The following GUCA1C variants were observed in gnomAD, a reference collection of about 807,000 sequenced individuals.
The protein encoded by GUCA1C is guanylate cyclase activator 1C.
Under a neutral mutation model 16.2 loss-of-function variants are expected in GUCA1C, and 15 were observed. The observed-to-expected ratio is 0.93, with a 90% CI of 0.62 to 1.43. The LOEUF is 1.43. Ranked by LOEUF, GUCA1C falls within the 40% of genes most tolerant of loss-of-function variation. The pLI is 0.00. For synonymous variants in GUCA1C, 78 were observed against 85.4 expected, an observed-to-expected ratio of 0.91 and a Z score of 0.48; for missense variants, 275 against 244.8, an observed-to-expected ratio of 1.12 and a Z score of -0.82.
intron 3 of GUCA1C, among the ~76,000 whole-genome samples, chr3:108,914,155 A>C (rs987620957): frequency 1.3e-5 from 2 of 152,188 alleles, no homozygotes; most frequent in African/African-American, 4.8e-5. Context: ...ACCATAATTC[A>C]TCTCCTTTTT....
chr3:108,953,087 A>G (rs542835962), intron 1 of GUCA1C, among the ~76,000 whole-genome samples: 244 of 152,324 alleles, frequency 1.6e-3, no homozygotes, highest in Non-Finnish European at 2.9e-3. Context: ...AAGCAGTTTA[A>G]CTTTTGATTT....
Position 108,907,965 on chromosome 3 carries a change from A to G in GUCA1C, c.*57T>C. 7.8e-7 allele frequency: 1 copy of G among 1,281,546 alleles called. No individual in the cohort carries two copies. The highest frequency in any genetic ancestry group is 1.4e-5 in the South Asian group (1 of 73,426). The allele number at this position is 1,281,546 out of a possible 1,614,324, so 79.4% of individuals were successfully genotyped here. A position where few individuals can be genotyped will look rare whatever the true frequency, so the allele number is the denominator to read the frequency against. ...ACAGCATGTACATGGGGAAGATTCTATTTCTTCTCTACTGAAATGTTGTGC... is the reference window on the plus strand; with the variant it reads ...ACAGCATGTACATGGGGAAGATTCTGTTTCTTCTCTACTGAAATGTTGTGC... On this transcript the variant is annotated 3_prime_UTR_variant, in exon 4 of 4. Coordinates refer to ENST00000261047, the MANE Select transcript of GUCA1C (RefSeq NM_005459.4).
intron 1 of GUCA1C, among the ~76,000 whole-genome samples, chr3:108,939,457 G>A (rs1298453784): frequency 1.3e-5 from 2 of 149,128 alleles, no homozygotes; most frequent in Non-Finnish European, 3.0e-5. Context: ...CACCCGAGTC[G>A]CTGGGATTAC....
At chr3:108,910,371 G>A (rs998051187) in intron 3 of GUCA1C, among the ~76,000 whole-genome samples, 22 of 151,892 alleles carry the variant, frequency 1.4e-4, no homozygotes, top group African/African-American at 4.6e-4. Flanking sequence ...GGTGGAGGGC[G>A]CCTGTAGTCC....
chr3:108,911,151 G>A (rs939365400), intron 3 of GUCA1C, among the ~76,000 whole-genome samples: 1 of 152,156 alleles, frequency 6.6e-6, no homozygotes, highest in African/African-American at 2.4e-5. Context: ...AGTTTCATTA[G>A]TAATAGAATA....
intron 1 of GUCA1C, among the ~76,000 whole-genome samples, chr3:108,949,569 A>C (rs1946876512): frequency 6.6e-6 from 1 of 152,200 alleles, no homozygotes; most frequent in Non-Finnish European, 1.5e-5. Context: ...TCTAAAGTGA[A>C]GCATCTAGGG....
chr3:108,918,814 A>C (rs192291628), intron 2 of GUCA1C, among the ~76,000 whole-genome samples: 4 of 152,130 alleles, frequency 2.6e-5, no homozygotes, highest in East Asian at 1.9e-4. Context: ...TTATATAGAA[A>C]GTGTGTTCCT....
chr3:108,920,975 T>G (rs1576546804), intron 1 of GUCA1C, among the ~76,000 whole-genome samples: 1 of 152,196 alleles, frequency 6.6e-6, no homozygotes, highest in South Asian at 2.1e-4. Context: ...TTTACATTAG[T>G]GTCCACTCTT....
At position 108,953,592 on chromosome 3, in the gene GUCA1C, AAT is replaced by A. The variant is rs1946920182; in HGVS notation, c.169_170del (p.Ile57Ter). The A allele has an allele frequency of 6.2e-7, 1 of 1,611,872 alleles. No individual in the cohort carries two copies. On this transcript the variant is annotated frameshift_variant, in exon 1 of 4. Transcript: ENST00000261047. LOFTEE classifies it high-confidence loss of function. ...QGLNQKANKH[I>X]DQVYNTFDTN... is the part of the protein sequence containing the mutation. ...TGTCAAAGGTATTATAAACTTGATC[AAT>A]ATGTTTATTGGCCTTCTGATTCAGA... is the stretch of plus-strand genomic sequence containing the variant.
intron 1 of GUCA1C, among the ~76,000 whole-genome samples, chr3:108,924,398 G>A (rs1946600752): frequency 6.6e-6 from 1 of 152,008 alleles, no homozygotes; most frequent in Non-Finnish European, 1.5e-5. Context: ...CTATTGACAT[G>A]ATCATGTGAT....
chr3:108,925,444 T>C (rs748732826), intron 1 of GUCA1C, among the ~76,000 whole-genome samples: 58 of 152,200 alleles, frequency 3.8e-4, no homozygotes, highest in Admixed American at 1.2e-3. Flanking sequence ...AGGGTTCCTT[T>C]TGGAGTTGAT....
chr3:108,916,263 A>G, intron 2 of GUCA1C, 49 bp from the exon 3 acceptor site: 1 of 1,571,820 alleles, frequency 6.4e-7, no homozygotes, highest in Non-Finnish European at 8.7e-7. Context: ...GGAAGCAAAT[A>G]CATTTTGCAA....
At chr3:108,937,499 C>A (rs1246062357) in intron 1 of GUCA1C, among the ~76,000 whole-genome samples, 1 of 152,188 alleles carries the variant, frequency 6.6e-6, no homozygotes, top group African/African-American at 2.4e-5. Flanking sequence ...ATTAAGGGAA[C>A]TTGGCTTGAT....
chr3:108,937,751 A>G (rs2107306528), intron 1 of GUCA1C, among the ~76,000 whole-genome samples: 1 of 152,340 alleles, frequency 6.6e-6, no homozygotes, highest in Admixed American at 6.5e-5. Context: ...ACTAAGAACC[A>G]TAGCATCTAG....
intron 3 of GUCA1C, 195 bp downstream of exon 3, chr3:108,915,932 A>T: frequency 1.6e-6 from 1 of 608,036 alleles, no homozygotes; most frequent in South Asian, 2.4e-5. Flanking sequence ...AGCACCACAC[A>T]TTGGAAATGA....
At chr3:108,924,078 G>A (rs1384973949) in intron 1 of GUCA1C, among the ~76,000 whole-genome samples, 3 of 151,980 alleles carry the variant, frequency 2.0e-5, no homozygotes, top group African/African-American at 4.8e-5. Context: ...TTAGGTATAT[G>A]ATCACATCAT....
At chr3:108,953,503 G>C (rs996166199) in intron 1 of GUCA1C, 56 bp downstream of exon 1, 2 of 1,098,730 alleles carry the variant, frequency 1.8e-6, no homozygotes, top group Admixed American at 4.2e-5. Flanking sequence ...AAAAAAAAAA[G>C]GGAAGAGTGC....
At position 108,910,968 on chromosome 3, in the gene GUCA1C, T is replaced by C. The variant is rs140787584; in HGVS notation, c.443-2759A>G. On this transcript the variant is annotated intron_variant, in intron 3 of 3. Transcript: ENST00000261047. Reference sequence around the variant, plus strand: ...CCCGGCCGACACATTTCAATTTTTGTAGGACATTATTCAGAAACTTCACGA... The same window carrying C: ...CCCGGCCGACACATTTCAATTTTTGCAGGACATTATTCAGAAACTTCACGA... Among the ~76,000 whole-genome samples, 298 of 152,242 alleles carry C rather than the reference T, an allele frequency of 2.0e-3. 1 individual carries two copies. The highest frequency in any genetic ancestry group is 3.4e-3 in the Middle Eastern group (1 of 292).
Position 108,911,835 on chromosome 3 carries a change from G to T in GUCA1C, c.443-3626C>A, listed in dbSNP as rs4855670. ...TAATCACCCTTTTTGGCCGGGCATGGTGGCTCATGCCTGTAATCCCTGAAC... is the reference window on the plus strand; with the variant it reads ...TAATCACCCTTTTTGGCCGGGCATGTTGGCTCATGCCTGTAATCCCTGAAC... On this transcript the variant is annotated intron_variant, in intron 3 of 3. Transcript: ENST00000261047. Among the ~76,000 whole-genome samples the T allele has an allele frequency of 5.3e-5, 8 of 152,142 alleles. No homozygotes were observed. In the South Asian group the frequency reaches 1.5e-3, roughly 28 times the overall value.
Sources: gnomAD v4.1 joint callset for allele counts (sites outside exome capture counted in the v4.1 genomes callset) on GRCh38, gnomAD v4.1.1 for gene constraint, MANE v1.5 for transcripts, NCBI Gene and HGNC (gene_info 2026-07-23, HGNC 2026-07-21) for gene names.